PAM: variants seen among roughly 807,000 people sequenced by gnomAD.
PAM encodes peptidyl-glycine alpha-amidating monooxygenase.
A neutral mutation model predicts 122.1 loss-of-function variants in PAM; 72 were observed. The observed-to-expected ratio is 0.59, with a 90% CI of 0.49 to 0.72. The LOEUF is 0.72. Among genes scored for constraint, PAM ranks in the 30% least tolerant of loss-of-function variants. The pLI is 0.00. For missense variants in PAM, 1,106 were observed against 1,183.7 expected (o/e 0.93, Z 0.96); for synonymous variants, 389 against 404.4 (o/e 0.96, Z 0.46).
chr5:102,963,741 G>C (rs1217759134), intron 14 of PAM, among the ~76,000 whole-genome samples: 1 of 151,766 alleles, frequency 6.6e-6, no homozygotes, highest in Non-Finnish European at 1.5e-5. Context: ...ATACCTGTTA[G>C]TGGGTACAGA....
intron 1 of PAM, among the ~76,000 whole-genome samples, chr5:102,826,098 ATTAC>A (rs1298219133): frequency 6.6e-6 from 1 of 152,210 alleles, no homozygotes; most frequent in African/African-American, 2.4e-5. Context: ...CTTAGTTACT[ATTAC>A]TTGCTATTTT....
chr5:102,912,857 C>T (rs1334344911), intron 4 of PAM, among the ~76,000 whole-genome samples: 1 of 151,968 alleles, frequency 6.6e-6, no homozygotes, highest in Non-Finnish European at 1.5e-5. Context: ...AAAGGTTTGT[C>T]TCTTCTGAAA....
chr5:102,773,621 G>A (rs574052067), intron 1 of PAM, among the ~76,000 whole-genome samples: 1 of 152,054 alleles, frequency 6.6e-6, no homozygotes, highest in African/African-American at 2.4e-5. Flanking sequence ...CAGGGCATTT[G>A]GCTTGTGGGC....
chr5:102,965,124 A>G (rs1222185850), intron 14 of PAM, among the ~76,000 whole-genome samples: 1 of 151,138 alleles, frequency 6.6e-6, no homozygotes, highest in Non-Finnish European at 1.5e-5. Context: ...AGGAGACTAT[A>G]TAGAATGAGG....
Position 102,781,645 on chromosome 5 carries a change from G to T in PAM, c.-374+26297G>T, listed in dbSNP as rs571300293. 3.9e-5 allele frequency among the ~76,000 whole-genome samples: 6 copies of T among 152,100 alleles called. 1 individual carries two copies. Among genetic ancestry groups the T allele is most frequent in the African/African-American group, 1.4e-4 (6 of 41,412 alleles). ...ATTTTTAGCTTTCTGCAAGCTCTAA[G>T]TCTTGATAGGAAATAAAAGACAAAA... is the stretch of plus-strand genomic sequence containing the variant. On this transcript the variant is annotated intron_variant, in intron 1 of 25. Transcript: ENST00000438793.
chr5:102,784,719 G>A (rs2149913994), intron 1 of PAM, among the ~76,000 whole-genome samples: 1 of 152,314 alleles, frequency 6.6e-6, no homozygotes, highest in Middle Eastern at 3.4e-3. Flanking sequence ...ACATGACTTT[G>A]TGTCAGTCAC....
chr5:102,988,586 A>G (rs543749898), intron 15 of PAM, among the ~76,000 whole-genome samples: 14 of 151,964 alleles, frequency 9.2e-5, no homozygotes, highest in Non-Finnish European at 1.6e-4. Context: ...TTCAGAAAAA[A>G]AAGAAGGAAA....
At chr5:102,928,064 G>A (rs1750213207) in intron 7 of PAM, among the ~76,000 whole-genome samples, 2 of 152,158 alleles carry the variant, frequency 1.3e-5, no homozygotes, top group Non-Finnish European at 2.9e-5. Context: ...GACTTCCAAA[G>A]TATTGACAAA....
At chr5:102,781,858 T>G (rs900764794) in intron 1 of PAM, among the ~76,000 whole-genome samples, 27 of 152,126 alleles carry the variant, frequency 1.8e-4, no homozygotes, top group African/African-American at 6.3e-4. Flanking sequence ...GAACTACACG[T>G]TTTTAATGCT....
At chr5:102,918,376 T>C (rs1746191509) in intron 5 of PAM, among the ~76,000 whole-genome samples, 1 of 152,192 alleles carries the variant, frequency 6.6e-6, no homozygotes, top group African/African-American at 2.4e-5. Context: ...CCTAGATTTA[T>C]TAGCTGAATA....
At chr5:102,912,598 C>T (rs1347536735) in intron 4 of PAM, among the ~76,000 whole-genome samples, 3 of 151,434 alleles carry the variant, frequency 2.0e-5, no homozygotes, top group South Asian at 2.1e-4. Flanking sequence ...TAACAAACTT[C>T]GGCTTCATGA....
chr5:102,972,788 CTTTG>C (rs1362792492), intron 14 of PAM, among the ~76,000 whole-genome samples: 1 of 152,130 alleles, frequency 6.6e-6, no homozygotes, highest in Non-Finnish European at 1.5e-5. Flanking sequence ...TTATAATTTG[CTTTG>C]TTTATTTTAC....
At chr5:102,916,378 A>G (rs1407681119) in intron 5 of PAM, among the ~76,000 whole-genome samples, 1 of 152,020 alleles carries the variant, frequency 6.6e-6, no homozygotes. Context: ...CACTATACCC[A>G]TATCATTTTA....
chr5:102,757,599 C>G (rs569793128), intron 1 of PAM, among the ~76,000 whole-genome samples: 22 of 152,310 alleles, frequency 1.4e-4, no homozygotes, highest in Admixed American at 1.4e-3. Context: ...GTGGTTCCCA[C>G]ATACAGTTTT....
chr5:102,855,883 T>C (rs891010573), intron 1 of PAM, among the ~76,000 whole-genome samples: 3 of 152,040 alleles, frequency 2.0e-5, no homozygotes, highest in African/African-American at 7.2e-5. Flanking sequence ...AACTTCCTCC[T>C]AAAAATAAAA....
At chr5:102,979,509 T>C (rs924394767) in intron 15 of PAM, among the ~76,000 whole-genome samples, 1 of 151,910 alleles carries the variant, frequency 6.6e-6, no homozygotes, top group African/African-American at 2.4e-5. Flanking sequence ...CACCATATTT[T>C]GTTTTTGTTG....
chr5:102,755,973 C>T (rs1750177432), intron 1 of PAM, among the ~76,000 whole-genome samples: 1 of 152,144 alleles, frequency 6.6e-6, no homozygotes, highest in Admixed American at 6.5e-5. Context: ...ATCTCCAAGG[C>T]AGAATGGGAA....
At chr5:102,824,289 A>T (rs1772934566) in intron 1 of PAM, among the ~76,000 whole-genome samples, 1 of 152,222 alleles carries the variant, frequency 6.6e-6, no homozygotes, top group Admixed American at 6.5e-5. Flanking sequence ...GGTTCTGCGA[A>T]CATTTCTAAA....
At chr5:102,790,102 A>C (rs1321887441) in intron 1 of PAM, among the ~76,000 whole-genome samples, 1 of 152,126 alleles carries the variant, frequency 6.6e-6, no homozygotes, top group Non-Finnish European at 1.5e-5. Flanking sequence ...TTATTTGTTT[A>C]TTCAGGAAAT....
Sources: allele counts gnomAD v4.1 joint callset (sites outside exome capture counted in the v4.1 genomes callset), GRCh38; gene constraint gnomAD v4.1.1; transcripts MANE v1.5; gene names NCBI Gene and HGNC (gene_info 2026-07-23, HGNC 2026-07-21).